MRC1: variants seen among roughly 807,000 people sequenced by gnomAD.
MRC1 encodes the protein macrophage mannose receptor 1.
Under a neutral mutation model 102.9 loss-of-function variants are expected in MRC1, and 62 were observed. That is an observed-to-expected ratio of 0.60 (90% CI 0.49 to 0.74). The LOEUF (loss-of-function observed/expected upper bound fraction) is 0.74. Among genes scored for constraint, MRC1 ranks in the 30% least tolerant of loss-of-function variants. The pLI is 0.00. For missense variants in MRC1, 1,237 were observed against 862.8 expected (o/e 1.43, Z -5.43); for synonymous variants, 457 against 298.4 (o/e 1.53, Z -5.48).
rs1293889184 is a variant in MRC1, at chr10:17,894,082, CTTAAG to C, written c.3148-124_3148-120del. Reference sequence around the variant, plus strand: ...GAAAGTAATGATGGATTGAGCATATCTTAAGTTAGGACAATCTTAAAATTTGGAAA... The same window carrying C: ...GAAAGTAATGATGGATTGAGCATATCTTAGGACAATCTTAAAATTTGGAAA... On this transcript the variant is annotated intron_variant, in intron 22 of 29. Coordinates refer to ENST00000569591, the MANE Select transcript of MRC1 (RefSeq NM_002438.4). The C allele has an allele frequency of 3.3e-4, 240 of 717,972 alleles. 1 individual carries two copies. In the East Asian group the frequency reaches 4.5e-3, roughly 14 times the overall value. 44.5% of individuals were successfully genotyped at this position (717,972 alleles called of 1,614,324 possible).
intron 3 of MRC1, among the ~76,000 whole-genome samples, chr10:17,831,710 C>G (rs1838576096): frequency 6.6e-6 from 1 of 150,958 alleles, no homozygotes. Context: ...ATGAAAAGAT[C>G]ATTACTTCAC....
chr10:17,898,379 G>C, intron 24 of MRC1, 113 bp downstream of exon 24: 1 of 767,218 alleles, frequency 1.3e-6, no homozygotes, highest in South Asian at 1.4e-5. Context: ...ACTGTGCTAG[G>C]CAATGTGAAT....
At chr10:17,903,489 A>G (rs1160987772) in intron 26 of MRC1, among the ~76,000 whole-genome samples, 2 of 134,106 alleles carry the variant, frequency 1.5e-5, no homozygotes, top group Non-Finnish European at 3.1e-5. Context: ...TCTGCCTCCC[A>G]GGTTCAAGCA....
Position 17,852,955 on chromosome 10 carries a change from C to T in MRC1, c.1250-12C>T. On this transcript the variant is annotated splice_polypyrimidine_tract_variant and intron_variant, in intron 7 of 29. Transcript: ENST00000569591. ...CCCTTGTATATACCACTGTGTGTTTCTTCCTGTTTAGAGCCAAATGACGAA... is the reference window on the plus strand; with the variant it reads ...CCCTTGTATATACCACTGTGTGTTTTTTCCTGTTTAGAGCCAAATGACGAA... 1.3e-6 allele frequency: 1 copy of T among 780,754 alleles called. No individual in the cohort carries two copies. Among genetic ancestry groups the T allele is most frequent in the Non-Finnish European group, 2.4e-6 (1 of 417,922 alleles). 48.4% of individuals were successfully genotyped at this position (780,754 alleles called of 1,614,324 possible).
chr10:17,894,285 C>T lies in MRC1; in HGVS notation c.3223C>T (p.Arg1075Ter), dbSNP rs922406253. ...GATGGATGATACCTGCGACAGTAAA[C>T]GAGGCTACATATGCCAGACACGATC... ...KWMDDTCDSK[R>*]GYICQTRSDP... is the part of the protein sequence containing the mutation. Residue 1075 changes from arginine (R) to a stop codon, truncating the protein, a stop_gained, in exon 23 of 30, where the codon CGA becomes TGA. Coordinates refer to ENST00000569591, the MANE Select transcript of MRC1 (RefSeq NM_002438.4). LOFTEE classifies it high-confidence loss of function. 10 of 871,564 alleles carry T rather than the reference C, an allele frequency of 1.1e-5. No individual in the cohort carries two copies. Among genetic ancestry groups the T allele is most frequent in the African/African-American group, 6.6e-5 (4 of 60,956 alleles). The allele number at this position is 871,564 out of a possible 1,614,324, so 54.0% of individuals were successfully genotyped here. A position where few individuals can be genotyped will look rare whatever the true frequency, so the allele number is the denominator to read the frequency against.
chr10:17,856,640 C>A (rs1564618081), intron 9 of MRC1, among the ~76,000 whole-genome samples: 1 of 152,096 alleles, frequency 6.6e-6, no homozygotes, highest in African/African-American at 2.4e-5. Flanking sequence ...CAGAGGGAAT[C>A]TGGCTAAGTT....
intron 1 of MRC1, 122 bp downstream of exon 1, chr10:17,809,648 G>T: frequency 1.3e-6 from 1 of 791,138 alleles, no homozygotes; most frequent in Admixed American, 1.7e-5. Context: ...GGGTTCCCCT[G>T]CACCACGCAG....
intron 2 of MRC1, among the ~76,000 whole-genome samples, chr10:17,825,032 G>C (rs1202844440): frequency 6.6e-6 from 1 of 151,962 alleles, no homozygotes; most frequent in Non-Finnish European, 1.5e-5. Flanking sequence ...ATGAAGACCC[G>C]GGTGATTCTG....
At chr10:17,852,943 C>G in intron 7 of MRC1, 24 bp from the exon 8 acceptor site, 1 of 780,746 alleles carries the variant, frequency 1.3e-6, no homozygotes, top group Admixed American at 1.7e-5. Flanking sequence ...TTGTATATAC[C>G]ACTGTGTGTT....
Position 17,909,006 on chromosome 10 carries a change from A to G in MRC1, c.4079-300A>G, listed in dbSNP as rs2044208. The stretch of plus-strand genomic sequence containing the variant: ...TTTAAGGGTGAGTATCAGTGGCTCA[A>G]ATGTAACTTGGAGAATCACATTTCC... On this transcript the variant is annotated intron_variant, in intron 28 of 29. Transcript: ENST00000569591. Among the ~76,000 whole-genome samples the G allele has an allele frequency of 8.0e-3, 1,222 of 152,308 alleles. 19 individuals carry two copies. The highest frequency in any genetic ancestry group is 0.028 in the African/African-American group (1,155 of 41,568).
intron 18 of MRC1, among the ~76,000 whole-genome samples, chr10:17,878,442 T>C (rs1833467211): frequency 6.6e-6 from 1 of 152,192 alleles, no homozygotes; most frequent in African/African-American, 2.4e-5. Flanking sequence ...AGGGTGATTG[T>C]ACCATTTTCT....
chr10:17,810,436 T>C (rs991856378), intron 1 of MRC1, among the ~76,000 whole-genome samples: 95 of 152,286 alleles, frequency 6.2e-4, no homozygotes, highest in African/African-American at 2.2e-3. Context: ...GGGTGGGAAG[T>C]TTCCTAGGAA....
chr10:17,883,378 C>G (rs1833545032), intron 21 of MRC1, among the ~76,000 whole-genome samples: 1 of 152,108 alleles, frequency 6.6e-6, no homozygotes, highest in African/African-American at 2.4e-5. Flanking sequence ...ATCCTCCCAC[C>G]TTGACCTCCC....
intron 23 of MRC1, among the ~76,000 whole-genome samples, chr10:17,896,326 T>C (rs1321153988): frequency 6.6e-6 from 1 of 152,166 alleles, no homozygotes; most frequent in Non-Finnish European, 1.5e-5. Flanking sequence ...TCCTAACCTT[T>C]CTCAATCCAA....
intron 24 of MRC1, 146 bp from the exon 25 acceptor site, chr10:17,900,642 A>T: frequency 1.4e-6 from 1 of 713,948 alleles, no homozygotes; most frequent in Admixed American, 2.1e-5. Flanking sequence ...GACAGAAATG[A>T]TTTATAGTGT....
intron 26 of MRC1, among the ~76,000 whole-genome samples, chr10:17,904,375 T>C (rs1833869694): frequency 6.6e-6 from 1 of 152,196 alleles, no homozygotes; most frequent in Admixed American, 6.5e-5. Context: ...TTTTGTAAGA[T>C]AGCTTTGTTA....
chr10:17,891,070 T>G (rs1833665678), intron 22 of MRC1, among the ~76,000 whole-genome samples: 2 of 151,772 alleles, frequency 1.3e-5, no homozygotes, highest in Admixed American at 1.3e-4. Flanking sequence ...GACCATCTAG[T>G]TGCAGGAAAA....
chr10:17,879,244 G>A (rs868920442), intron 18 of MRC1, among the ~76,000 whole-genome samples: 1,692 of 152,268 alleles, frequency 0.011, 37 homozygotes, highest in African/African-American at 0.038. Flanking sequence ...CTACTGCGGA[G>A]CATGATGCAT....
chr10:17,816,255 T>C (rs1838310683), intron 1 of MRC1, among the ~76,000 whole-genome samples: 1 of 152,206 alleles, frequency 6.6e-6, no homozygotes, highest in Non-Finnish European at 1.5e-5. Context: ...AACATATTTC[T>C]TAGTTTGGAT....
Sources: allele counts gnomAD v4.1 joint callset (sites outside exome capture counted in the v4.1 genomes callset), GRCh38; gene constraint gnomAD v4.1.1; transcripts MANE v1.5; gene names NCBI Gene and HGNC (gene_info 2026-07-23, HGNC 2026-07-21).